ZNF362: variants seen among roughly 807,000 people sequenced by gnomAD.
The protein encoded by ZNF362 is zinc finger protein 362.
In ZNF362, 11 loss-of-function variants were observed where a neutral mutation model predicts 42.9. That is an observed-to-expected ratio of 0.26 (90% confidence interval 0.16 to 0.42). The LOEUF is 0.42. Ranked by LOEUF, ZNF362 falls within the 20% of genes least tolerant of loss-of-function variation. ZNF362 has a pLI of 1.00. For missense variants in ZNF362, 362 were observed against 576.2 expected, an observed-to-expected ratio of 0.63 and a Z score of 3.81; for synonymous variants, 255 against 257.3, an observed-to-expected ratio of 0.99 and a Z score of 0.09.
Position 33,276,552 on chromosome 1 carries a change from G to A in ZNF362, c.307G>A (p.Asp103Asn), listed in dbSNP as rs1344276393. Residue 103 changes from aspartate to asparagine, a missense_variant, in exon 4 of 9, where the codon GAC becomes AAC. Physicochemically the swap from Asp to Asn is conservative, Grantham distance 23. This residue lies in a region of ZNF362 where 266 missense variants were observed against 365.4 expected (regional missense o/e 0.73). Transcript: ENST00000539719. The part of the protein sequence containing the change: ...GLHPQAVPQP[D>N]VALHARPATS... Reference sequence around the variant, plus strand: ...GCATCCACAGGCGGTGCCGCAGCCCGACGTGGCGCTGCACGCACGGCCGGC... The same window carrying A: ...GCATCCACAGGCGGTGCCGCAGCCCAACGTGGCGCTGCACGCACGGCCGGC... The A allele has an allele frequency of 1.4e-6, 2 of 1,471,096 alleles. No homozygotes were observed. The highest frequency in any genetic ancestry group is 1.4e-5 in the South Asian group (1 of 73,878). 91.1% of individuals were successfully genotyped at this position (1,471,096 alleles called of 1,614,324 possible).
the ZNF362 span, among the ~76,000 whole-genome samples, chr1:33,206,631 T>C: frequency 6.6e-6 from 1 of 152,008 alleles, no homozygotes; most frequent in Non-Finnish European, 1.5e-5. Context: ...AAAAATACTA[T>C]TATAAAAACG....
the ZNF362 span, chr1:33,181,015 G>A: frequency 6.3e-7 from 1 of 1,578,352 alleles, no homozygotes; most frequent in Non-Finnish European, 8.5e-7. The surrounding 1 kb of genome is among the most constrained non-coding windows in gnomAD (Gnocchi z 6.5). Context: ...AGGCAGGCCG[G>A]GTAGCGCACC....
At chr1:33,225,552 G>C in the ZNF362 span, among the ~76,000 whole-genome samples, 2 of 152,048 alleles carry the variant, frequency 1.3e-5, no homozygotes, top group African/African-American at 4.8e-5. Context: ...CCCTTGTATT[G>C]ATTTCTCCCT....
At chr1:33,190,536 G>A in the ZNF362 span, among the ~76,000 whole-genome samples, 1 of 152,156 alleles carries the variant, frequency 6.6e-6, no homozygotes, top group South Asian at 2.1e-4. Flanking sequence ...CTCCAGTGAA[G>A]GTGTACTGGA....
chr1:33,237,057 G>A, the ZNF362 span, among the ~76,000 whole-genome samples: 4 of 152,106 alleles, frequency 2.6e-5, no homozygotes, highest in East Asian at 3.9e-4. Context: ...GGCACAGAGC[G>A]AGATTCTGTC....
the ZNF362 span, chr1:33,165,402 C>A: frequency 7.1e-7 from 1 of 1,409,760 alleles, no homozygotes; most frequent in Non-Finnish European, 9.6e-7. This position sits in a 1 kb window ranked among gnomAD's most constrained non-coding sequence, Gnocchi z 4.0. Context: ...TCTTCCCCAG[C>A]TGGCCCCGCC....
chr1:33,135,452 CT>C, the ZNF362 span, among the ~76,000 whole-genome samples: 4 of 152,226 alleles, frequency 2.6e-5, no homozygotes, highest in African/African-American at 9.6e-5. Flanking sequence ...GTGGCAGTCC[CT>C]CAATAAATTC....
At chr1:33,195,265 A>G in the ZNF362 span, 1 of 152,240 alleles carries the variant, frequency 6.6e-6, no homozygotes, top group African/African-American at 2.4e-5. Flanking sequence ...ACTTTTGCTC[A>G]AAGAATTTAT....
chr1:33,209,548 G>A, the ZNF362 span, among the ~76,000 whole-genome samples: 1 of 152,144 alleles, frequency 6.6e-6, no homozygotes, highest in African/African-American at 2.4e-5. Context: ...GACTCCGTCT[G>A]GTCCTGGACT....
Position 33,270,475 on chromosome 1 carries a change from C to T in ZNF362, c.-88-12C>T. The T allele has an allele frequency of 1.5e-6, 1 of 685,248 alleles. No individual in the cohort carries two copies. The highest frequency in any genetic ancestry group is 1.7e-5 in the South Asian group (1 of 57,306). 42.4% of individuals were successfully genotyped at this position (685,248 alleles called of 1,614,324 possible). A position where few individuals can be genotyped will look rare whatever the true frequency, so the allele number is the denominator to read the frequency against. On this transcript the variant is annotated splice_polypyrimidine_tract_variant and intron_variant, in intron 1 of 8. Coordinates refer to ENST00000539719, the MANE Select transcript of ZNF362 (RefSeq NM_152493.3). ...TATTGTTATTATTGTTATTGTTATT[C>T]CCATATACAAGGTGCTGTTGGGAAC...
chr1:33,271,750 T>C (rs1354004017), intron 2 of ZNF362, among the ~76,000 whole-genome samples: 1 of 150,428 alleles, frequency 6.6e-6, no homozygotes, highest in Non-Finnish European at 1.5e-5. Flanking sequence ...AGATGTGTGG[T>C]AGATCACTGT....
intron 6 of ZNF362, among the ~76,000 whole-genome samples, chr1:33,285,986 C>G (rs996515212): frequency 7.2e-5 from 11 of 152,270 alleles, no homozygotes; most frequent in African/African-American, 1.2e-4. Flanking sequence ...TCATTTGAAC[C>G]TGGGAGGCGG....
At chr1:33,254,778 C>T (rs763446475), upstream of ZNF362, among the ~76,000 whole-genome samples, 2 of 152,198 alleles carry the variant, frequency 1.3e-5, no homozygotes, top group Non-Finnish European at 2.9e-5. Context: ...CTGCAGCCTA[C>T]TCCTAAAGAG....
chr1:33,171,740 C>G, the ZNF362 span, among the ~76,000 whole-genome samples: 31 of 152,264 alleles, frequency 2.0e-4, 1 homozygote, highest in South Asian at 8.3e-4. Context: ...ACAGCACCCT[C>G]CCTCCACCTT....
the ZNF362 span, among the ~76,000 whole-genome samples, chr1:33,129,025 T>A: frequency 2.0e-5 from 3 of 151,866 alleles, no homozygotes; most frequent in Non-Finnish European, 4.4e-5. This position sits in a 1 kb window ranked among gnomAD's most constrained non-coding sequence, Gnocchi z 4.1. Context: ...TGAGTAGGAG[T>A]TGGCCAGGTA....
At chr1:33,279,498 CAT>C (rs894320889) in intron 4 of ZNF362, among the ~76,000 whole-genome samples, 3 of 147,154 alleles carry the variant, frequency 2.0e-5, no homozygotes, top group East Asian at 2.0e-4. Context: ...TTTAAAAAAA[CAT>C]AGAACCACAC....
chr1:33,218,986 C>T, the ZNF362 span, among the ~76,000 whole-genome samples: 1 of 146,376 alleles, frequency 6.8e-6, no homozygotes, highest in Non-Finnish European at 1.5e-5. Flanking sequence ...CACACATACA[C>T]CACCCCCTGC....
chr1:33,239,615 A>G, the ZNF362 span, among the ~76,000 whole-genome samples: 1 of 152,170 alleles, frequency 6.6e-6, no homozygotes, highest in Non-Finnish European at 1.5e-5. Context: ...GGCGCAGGAC[A>G]GAGTAAGTGC....
Position 33,276,466 on chromosome 1 carries a change from C to A in ZNF362, c.221C>A (p.Ala74Glu), listed in dbSNP as rs934064967. The A allele has an allele frequency of 1.3e-6, 2 of 1,553,950 alleles. No individual in the cohort carries two copies. The highest frequency in any genetic ancestry group is 1.7e-6 in the Non-Finnish European group (2 of 1,153,892). Reference protein sequence around the residue: ...SSQQPLLVPPAPAESSQAVMS... With the variant: ...SSQQPLLVPPEPAESSQAVMS... ...CAGCAGCCGTTGCTAGTGCCGCCGG[C>A]ACCCGCCGAGAGCAGCCAGGCCGTC... The change falls in exon 4 of 9, where the codon GCA becomes GAA. Residue 74 changes from alanine (A) to glutamate (E), a missense_variant. By Grantham distance (107) the Ala-to-Glu change is moderately radical (BLOSUM62 -1). Transcript: ENST00000539719.
Sources: gnomAD v4.1 joint callset for allele counts (sites outside exome capture counted in the v4.1 genomes callset) on GRCh38, gnomAD v4.1.1 for gene constraint, gnomAD v4.1.1 regional missense constraint, Gnocchi (gnomAD v3.1) non-coding constraint, MANE v1.5 for transcripts, NCBI Gene and HGNC (gene_info 2026-07-23, HGNC 2026-07-21) for gene names.